Variants in NAV2 observed in about 807,000 individuals in gnomAD.
NAV2 encodes the protein helicase, APC down-regulated 1.
Under a neutral mutation model 223.2 loss-of-function variants are expected in NAV2, and 54 were observed. That is an observed-to-expected ratio of 0.24 (90% CI 0.19 to 0.30). The LOEUF (loss-of-function observed/expected upper bound fraction) is 0.30. Ranked by LOEUF, NAV2 falls within the 10% of genes least tolerant of loss-of-function variation. The probability of loss-of-function intolerance (pLI) is 1.00; values close to 1 mark genes in which losing one functional copy is unlikely to be tolerated. For synonymous variants in NAV2, 1,279 were observed against 1,239.3 expected, an observed-to-expected ratio of 1.03 and a Z score of -0.67; for missense variants, 2,806 against 3,147.5, an observed-to-expected ratio of 0.89 and a Z score of 2.60.
At chr11:19,650,083 A>G (rs1043104735) in intron 1 of NAV2, among the ~76,000 whole-genome samples, 2 of 152,218 alleles carry the variant, frequency 1.3e-5, no homozygotes, top group Admixed American at 1.3e-4. Flanking sequence ...GTCTTCCCCA[A>G]AAAAGATATA....
intron 1 of NAV2, among the ~76,000 whole-genome samples, chr11:19,458,292 T>A (rs929695495): frequency 1.3e-5 from 2 of 152,226 alleles, no homozygotes; most frequent in African/African-American, 4.8e-5. Flanking sequence ...ACCAGCCAGC[T>A]GTGGCTGCTC....
chr11:19,503,513 T>G (rs143625395), intron 1 of NAV2: 1 of 152,224 alleles, frequency 6.6e-6, no homozygotes, highest in Non-Finnish European at 1.5e-5. Context: ...CTCCATAGTT[T>G]GGCCTTCTCC....
chr11:19,574,715 T>G (rs961419457), intron 1 of NAV2, among the ~76,000 whole-genome samples: 1 of 152,080 alleles, frequency 6.6e-6, no homozygotes, highest in Non-Finnish European at 1.5e-5. Flanking sequence ...ATAGGTCCAG[T>G]TAGAATTAGG....
chr11:19,516,065 A>G (rs1475810893), intron 1 of NAV2, among the ~76,000 whole-genome samples: 2 of 152,180 alleles, frequency 1.3e-5, no homozygotes, highest in Non-Finnish European at 2.9e-5. Flanking sequence ...AGGCAGCTGG[A>G]GTTATGAGCA....
chr11:19,605,844 C>T lies in NAV2; in HGVS notation c.76-226640C>T, dbSNP rs79738537. Among the ~76,000 whole-genome samples the T allele has an allele frequency of 3.4e-3, 511 of 152,188 alleles. 1 individual carries two copies. Among genetic ancestry groups the T allele is most frequent in the African/African-American group, 0.012 (490 of 41,526 alleles). The stretch of plus-strand genomic sequence containing the variant: ...TTCCAGGCCCCAGACAGGATTTGGG[C>T]GTGGGTTGTGTTGTTTCCCTGGGAC... On this transcript the variant is annotated intron_variant, in intron 1 of 37. Coordinates refer to the NAV2 transcript ENST00000360655.
chr11:19,980,460 T>C (rs1269440605), intron 10 of NAV2, among the ~76,000 whole-genome samples: 1 of 152,212 alleles, frequency 6.6e-6, no homozygotes, highest in Non-Finnish European at 1.5e-5. Flanking sequence ...GCTGGTTCCT[T>C]TGCTTGTGAC....
At chr11:19,368,630 T>C (rs535265646) in intron 1 of NAV2, among the ~76,000 whole-genome samples, 1 of 152,336 alleles carries the variant, frequency 6.6e-6, no homozygotes, top group South Asian at 2.1e-4. Context: ...CAGCTAATGT[T>C]CACTGGGTAC....
chr11:19,626,340 A>T (rs2047169590), intron 1 of NAV2, among the ~76,000 whole-genome samples: 1 of 152,124 alleles, frequency 6.6e-6, no homozygotes. Context: ...TTGGCTGTAG[A>T]TATGTGGGTT....
At chr11:19,673,534 C>G (rs1162576857) in intron 1 of NAV2, among the ~76,000 whole-genome samples, 1 of 152,218 alleles carries the variant, frequency 6.6e-6, no homozygotes, top group Non-Finnish European at 1.5e-5. Flanking sequence ...TCTCTGATAA[C>G]AAGTTTCCTT....
intron 11 of NAV2, among the ~76,000 whole-genome samples, chr11:20,024,465 C>T (rs868616197): frequency 5.9e-5 from 9 of 151,760 alleles, no homozygotes; most frequent in East Asian, 1.9e-4. Context: ...CTTCTTAAGA[C>T]GCTGAATGTA....
Position 19,665,940 on chromosome 11 carries a change from A to G in NAV2, c.76-166544A>G, listed in dbSNP as rs139356958. On this transcript the variant is annotated intron_variant, in intron 1 of 37. Coordinates refer to the NAV2 transcript ENST00000360655. ...AATCATCATCATCATCATCATCGTC[A>G]TCATCATCATCATCGTCATCACTAT... Among the ~76,000 whole-genome samples, 959 of 152,210 alleles carry G rather than the reference A, an allele frequency of 6.3e-3. 5 individuals are homozygous for G. Among genetic ancestry groups the G allele is most frequent in the Non-Finnish European group, 8.2e-3 (556 of 68,006 alleles).
At chr11:19,466,984 T>TCTCTACACACACACAC (rs200910419) in intron 1 of NAV2, among the ~76,000 whole-genome samples, 3 of 125,144 alleles carry the variant, frequency 2.4e-5, no homozygotes, top group African/African-American at 3.1e-5. Flanking sequence ...TCTCTCTCTC[T>TCTCTACACACACACAC]ACACACACAC....
intron 36 of NAV2, among the ~76,000 whole-genome samples, chr11:20,111,310 C>T (rs1490053311): frequency 6.6e-6 from 1 of 152,170 alleles, no homozygotes; most frequent in Non-Finnish European, 1.5e-5. Flanking sequence ...GTTCCTTCTC[C>T]TGCCTTAGGG....
chr11:19,675,654 G>T (rs974549962), intron 1 of NAV2, among the ~76,000 whole-genome samples: 1 of 152,152 alleles, frequency 6.6e-6, no homozygotes, highest in Non-Finnish European at 1.5e-5. Context: ...CCTTCTATGC[G>T]CCAATAAATC....
chr11:19,631,998 A>C (rs2047359650), intron 1 of NAV2, among the ~76,000 whole-genome samples: 1 of 152,242 alleles, frequency 6.6e-6, no homozygotes, highest in Admixed American at 6.5e-5. Context: ...CAGCTGTGCC[A>C]ACTGCCCACT....
At chr11:19,521,558 A>G (rs1422287212) in intron 1 of NAV2, among the ~76,000 whole-genome samples, 1 of 152,202 alleles carries the variant, frequency 6.6e-6, no homozygotes, top group Non-Finnish European at 1.5e-5. Flanking sequence ...TCACAGTTTC[A>G]TTCTTGACCT....
chr11:19,629,492 C>A (rs550942160), intron 1 of NAV2, among the ~76,000 whole-genome samples: 8 of 151,682 alleles, frequency 5.3e-5, no homozygotes, highest in Non-Finnish European at 1.0e-4. Flanking sequence ...CACACACACA[C>A]GTACAGACAC....
At chr11:19,728,621 A>T (rs1489986674) in intron 1 of NAV2, among the ~76,000 whole-genome samples, 1 of 152,216 alleles carries the variant, frequency 6.6e-6, no homozygotes, top group Admixed American at 6.5e-5. Context: ...CACCACAGGC[A>T]CCATAGCAAT....
intron 6 of NAV2, among the ~76,000 whole-genome samples, chr11:19,909,804 C>T (rs929961078): frequency 6.6e-6 from 1 of 152,184 alleles, no homozygotes; most frequent in Non-Finnish European, 1.5e-5. Flanking sequence ...TGTTCCTCCT[C>T]CTCCTCTTCA....
Sources: allele counts gnomAD v4.1 joint callset (sites outside exome capture counted in the v4.1 genomes callset), GRCh38; gene constraint gnomAD v4.1.1; transcripts MANE v1.5; gene names NCBI Gene and HGNC (gene_info 2026-07-23, HGNC 2026-07-21).